Variants in DCAF6 observed in about 807,000 individuals in gnomAD.
DCAF6 encodes the protein DDB1 and CUL4 associated factor 6.
In DCAF6, 54 loss-of-function variants were observed where a neutral mutation model predicts 125.1. That is an observed-to-expected ratio of 0.43 (90% confidence interval 0.35 to 0.54). DCAF6 has a LOEUF of 0.54. Ranked by LOEUF, DCAF6 falls within the 20% of genes least tolerant of loss-of-function variation. The pLI is 0.01. For missense variants in DCAF6, 934 were observed against 1,161.7 expected, an observed-to-expected ratio of 0.80 and a Z score of 2.85; for synonymous variants, 371 against 390.4, an observed-to-expected ratio of 0.95 and a Z score of 0.58.
intron 4 of DCAF6, among the ~76,000 whole-genome samples, chr1:167,985,833 T>C (rs1052813504): frequency 2.0e-5 from 3 of 152,208 alleles, no homozygotes; most frequent in African/African-American, 7.2e-5. Context: ...AAAATATATA[T>C]GTACTCAGCA....
intron 4 of DCAF6, among the ~76,000 whole-genome samples, chr1:167,980,587 A>G (rs1195416855): frequency 6.6e-6 from 1 of 151,766 alleles, no homozygotes; most frequent in Non-Finnish European, 1.5e-5. Context: ...TTCTTTTCAT[A>G]TGCTTCTTGG....
chr1:168,072,264 T>TCCAG (rs1693153903), intron 21 of DCAF6, among the ~76,000 whole-genome samples: 1 of 112,672 alleles, frequency 8.9e-6, no homozygotes, highest in South Asian at 3.1e-4. Context: ...ACCACTGCAC[T>TCCAG]CCAGCCTGGT....
the DCAF6 span, chr1:167,894,022 T>A: frequency 1.0e-6 from 1 of 962,328 alleles, no homozygotes; most frequent in Non-Finnish European, 1.7e-6. Context: ...TCCCAGTCCC[T>A]ATTCTCTTGG....
At position 168,043,043 on chromosome 1, in the gene DCAF6, T is replaced by A. The variant is rs1688749867; in HGVS notation, c.1746T>A (p.Ser582Arg). Residue 582 changes from serine (S) to arginine (R), a missense_variant, in exon 14 of 22, where the codon AGT becomes AGA. By Grantham distance (110) the Ser-to-Arg change is moderately radical. Coordinates refer to ENST00000367840, the MANE Select transcript of DCAF6 (RefSeq NM_001198956.2). ...ATGATAGGAGCAGTATAGCATCAAG[T>A]TCTAGAGGAATTGGGAGCCATTGCA... Reference protein sequence around the residue: ...FTDEWSSIASSSRGIGSHCKS... With the variant: ...FTDEWSSIASRSRGIGSHCKS... 1 of 1,612,342 alleles carries A rather than the reference T, an allele frequency of 6.2e-7. No homozygotes were observed. The highest frequency in any genetic ancestry group is 1.3e-5 in the African/African-American group (1 of 74,930).
Position 168,032,623 on chromosome 1 carries a change from A to G in DCAF6, c.1610-5748A>G, listed in dbSNP as rs534355217. Among the ~76,000 whole-genome samples the G allele has an allele frequency of 7.6e-4, 116 of 152,354 alleles. 1 individual carries two copies. The South Asian group carries it at 0.022, about 29-fold the overall frequency. On this transcript the variant is annotated intron_variant, in intron 12 of 21. Transcript: ENST00000367840. ...TCGACCTTACTTTGGTTTTTAAAAA[A>G]TATTTGGTATAATGAAGTGGGAATT...
At chr1:168,025,543 C>G (rs1286028896) in intron 12 of DCAF6, among the ~76,000 whole-genome samples, 2 of 152,106 alleles carry the variant, frequency 1.3e-5, no homozygotes, top group Non-Finnish European at 2.9e-5. Context: ...GAAAATATAT[C>G]TAATTAATTA....
chr1:167,885,765 C>T, the DCAF6 span, among the ~76,000 whole-genome samples: 2 of 152,060 alleles, frequency 1.3e-5, no homozygotes, highest in Non-Finnish European at 2.9e-5. Flanking sequence ...CAGGCGCCCA[C>T]CACTACGCCC....
In DCAF6 at chr1:167,936,833, G is replaced by T; in HGVS notation, c.-79G>T. Reference sequence around the variant, plus strand: ...CGCGGATGGTGCCGGTGCGGCTCGGGTGTTGAAACGGGTGTCCCCTCCCCC... The same window carrying T: ...CGCGGATGGTGCCGGTGCGGCTCGGTTGTTGAAACGGGTGTCCCCTCCCCC... On this transcript the variant is annotated 5_prime_UTR_variant, in exon 1 of 22. Coordinates refer to ENST00000367840, the MANE Select transcript of DCAF6 (RefSeq NM_001198956.2). The T allele has an allele frequency of 1.6e-6, 2 of 1,279,554 alleles. No homozygotes were observed. The highest frequency in any genetic ancestry group is 2.2e-6 in the Non-Finnish European group (2 of 906,876). 79.3% of individuals were successfully genotyped at this position (1,279,554 alleles called of 1,614,324 possible).
At chr1:168,017,600 T>C (rs1324741669) in intron 11 of DCAF6, among the ~76,000 whole-genome samples, 1 of 152,138 alleles carries the variant, frequency 6.6e-6, no homozygotes, top group African/African-American at 2.4e-5. Flanking sequence ...TAATTAAATA[T>C]CTAGTTTGGC....
At chr1:167,907,585 C>T in the DCAF6 span, among the ~76,000 whole-genome samples, 9 of 152,156 alleles carry the variant, frequency 5.9e-5, no homozygotes, top group Non-Finnish European at 1.3e-4. Context: ...TTCAAGTAGA[C>T]AGGGAAGTGC....
chr1:167,982,982 C>A (rs887526240), intron 4 of DCAF6, among the ~76,000 whole-genome samples: 3 of 151,994 alleles, frequency 2.0e-5, no homozygotes, highest in African/African-American at 7.3e-5. Context: ...AGGTGTGTGG[C>A]TTTATTTCTG....
chr1:167,906,357 C>A, the DCAF6 span, among the ~76,000 whole-genome samples: 1 of 149,462 alleles, frequency 6.7e-6, no homozygotes. Flanking sequence ...AAACATATAA[C>A]TAAGGTTTAA....
At chr1:168,052,235 G>T (rs1690033516) in intron 17 of DCAF6, among the ~76,000 whole-genome samples, 1 of 152,206 alleles carries the variant, frequency 6.6e-6, no homozygotes, top group African/African-American at 2.4e-5. Flanking sequence ...ATTTGCTTCA[G>T]AGTTTTTTGA....
At chr1:167,918,477 T>A in the DCAF6 span, 1 of 601,750 alleles carries the variant, frequency 1.7e-6, no homozygotes, top group Non-Finnish European at 2.8e-6. Flanking sequence ...GCTATACAGT[T>A]GTAAACAGAA....
the DCAF6 span, among the ~76,000 whole-genome samples, chr1:167,891,214 C>A: frequency 1.3e-5 from 2 of 151,958 alleles, no homozygotes; most frequent in African/African-American, 2.4e-5. Flanking sequence ...CCCACCTCGG[C>A]CTCCCAAAGT....
the DCAF6 span, among the ~76,000 whole-genome samples, chr1:167,871,564 T>C: frequency 6.6e-6 from 1 of 152,234 alleles, no homozygotes; most frequent in Non-Finnish European, 1.5e-5. Context: ...GTGAGCAATT[T>C]CTGTCAAAAA....
At chr1:167,866,869 G>GGTTT in the DCAF6 span, among the ~76,000 whole-genome samples, 1 of 152,074 alleles carries the variant, frequency 6.6e-6, no homozygotes, top group Non-Finnish European at 1.5e-5. Flanking sequence ...AACTAGATGG[G>GGTTT]GTTTCCAAAG....
intron 1 of DCAF6, among the ~76,000 whole-genome samples, chr1:167,940,623 A>C (rs1176855076): frequency 6.6e-6 from 1 of 152,110 alleles, no homozygotes; most frequent in Non-Finnish European, 1.5e-5. Flanking sequence ...GCTTTTGGAA[A>C]TCAGTGATTT....
At chr1:168,073,615 C>T (rs1277156112) in intron 21 of DCAF6, among the ~76,000 whole-genome samples, 1 of 152,024 alleles carries the variant, frequency 6.6e-6, no homozygotes, top group African/African-American at 2.4e-5. Context: ...TCTATTATCC[C>T]ATCTTCTTTA....
Sources: allele counts gnomAD v4.1 joint callset (sites outside exome capture counted in the v4.1 genomes callset), GRCh38; gene constraint gnomAD v4.1.1; transcripts MANE v1.5; gene names NCBI Gene and HGNC (gene_info 2026-07-23, HGNC 2026-07-21).